Variants in CDH11 observed in about 807,000 individuals in gnomAD.
CDH11 encodes the protein cadherin-11.
Under a neutral mutation model 67.8 loss-of-function variants are expected in CDH11, and 11 were observed. The ratio of observed to expected loss-of-function variants is 0.16; its 90% CI spans 0.10 to 0.27. The LOEUF (loss-of-function observed/expected upper bound fraction) is 0.27. Among genes scored for constraint, CDH11 ranks in the 10% least tolerant of loss-of-function variants. CDH11 has a pLI of 1.00. For synonymous variants in CDH11, 419 were observed against 400.0 expected, an observed-to-expected ratio of 1.05 and a Z score of -0.57; for missense variants, 847 against 1,031.2, an observed-to-expected ratio of 0.82 and a Z score of 2.45.
chr16:64,979,551 C>T (rs1224752454), intron 8 of CDH11, among the ~76,000 whole-genome samples: 1 of 151,956 alleles, frequency 6.6e-6, no homozygotes, highest in Non-Finnish European at 1.5e-5. Context: ...ACTATGATAG[C>T]TATAATGAAA....
intron 1 of CDH11, among the ~76,000 whole-genome samples, chr16:65,120,806 A>T (rs892754837): frequency 3.3e-5 from 5 of 152,040 alleles, no homozygotes; most frequent in African/African-American, 1.2e-4. Flanking sequence ...TCGGCAAAAA[A>T]ACGGACAAGG....
At chr16:65,104,036 C>T (rs759295033) in intron 1 of CDH11, among the ~76,000 whole-genome samples, 7 of 152,008 alleles carry the variant, frequency 4.6e-5, no homozygotes, top group African/African-American at 4.8e-5. Context: ...TTGGACTGCA[C>T]TGGGTTAAAG....
intron 2 of CDH11, among the ~76,000 whole-genome samples, chr16:65,033,811 C>T (rs1567539755): frequency 6.6e-6 from 1 of 151,786 alleles, no homozygotes; most frequent in Non-Finnish European, 1.5e-5. Context: ...TTGAAATCCT[C>T]CAAGAGTATG....
intron 11 of CDH11, among the ~76,000 whole-genome samples, chr16:64,958,821 G>A (rs2071593924): frequency 6.6e-6 from 1 of 152,064 alleles, no homozygotes. Flanking sequence ...TAAAAGAACA[G>A]TTCTTAGAAA....
At chr16:65,122,256 G>C (rs2075348356), upstream of CDH11, 3 of 426,428 alleles carry the variant, frequency 7.0e-6, no homozygotes, top group Admixed American at 8.9e-5. Flanking sequence ...GGCCGACCCC[G>C]TCCGCGCCCC....
chr16:64,948,149 G>A, intron 12 of CDH11, 50 bp from the exon 13 acceptor site: 1 of 1,564,612 alleles, frequency 6.4e-7, no homozygotes, highest in Non-Finnish European at 8.6e-7. Context: ...CAGTATTCCT[G>A]GGTTCTTCTG....
At chr16:65,061,038 T>TG (rs2074230671) in intron 1 of CDH11, among the ~76,000 whole-genome samples, 1 of 152,224 alleles carries the variant, frequency 6.6e-6, no homozygotes, top group Non-Finnish European at 1.5e-5. Context: ...GTGACTTTGA[T>TG]GGAAATTCTC....
intron 7 of CDH11, chr16:64,986,957 T>G (rs2072502259): frequency 6.6e-6 from 1 of 152,190 alleles, no homozygotes; most frequent in African/African-American, 2.4e-5. Flanking sequence ...CCACTGGTCC[T>G]TCCCTCCTCT....
At chr16:64,988,692 A>G (rs2072553912) in intron 6 of CDH11, among the ~76,000 whole-genome samples, 1 of 152,142 alleles carries the variant, frequency 6.6e-6, no homozygotes, top group African/African-American at 2.4e-5. Flanking sequence ...GCTTCTTTTC[A>G]TGTCTTCAGG....
intron 3 of CDH11, among the ~76,000 whole-genome samples, chr16:65,002,137 TC>T: frequency 6.6e-6 from 1 of 152,298 alleles, no homozygotes; most frequent in East Asian, 1.9e-4. Context: ...TATTTATTTT[TC>T]CCCTATCCAA....
At chr16:64,976,428 C>T (rs2142440483) in intron 8 of CDH11, among the ~76,000 whole-genome samples, 1 of 152,188 alleles carries the variant, frequency 6.6e-6, no homozygotes, top group African/African-American at 2.4e-5. Context: ...CAAAAAACTG[C>T]AGAATGTCCA....
rs1596994890 is a variant in CDH11 at position 64,944,454 on chromosome 16, C to G, written c.*3149G>C. 1 of 233,012 alleles carries G rather than the reference C, an allele frequency of 4.3e-6. No homozygotes were observed. Among genetic ancestry groups the G allele is most frequent in the South Asian group, 1.8e-4 (1 of 5,522 alleles). The allele number at this position is 233,012 out of a possible 1,614,324, so 14.4% of individuals were successfully genotyped here. ...ACCTCTGGGTTTATATGCTCCTAAT[C>G]TGTCCTCCACACTGCCTGCCAAATA... On this transcript the variant is annotated 3_prime_UTR_variant, in exon 13 of 13. Coordinates refer to ENST00000268603, the MANE Select transcript of CDH11 (RefSeq NM_001797.4).
At chr16:65,015,235 T>C (rs190237829) in intron 2 of CDH11, among the ~76,000 whole-genome samples, 11 of 151,922 alleles carry the variant, frequency 7.2e-5, no homozygotes, top group Admixed American at 6.6e-4. Flanking sequence ...AGAGTAGAAT[T>C]AGCTACCAAT....
intron 2 of CDH11, among the ~76,000 whole-genome samples, chr16:65,009,217 G>A (rs980913010): frequency 1.3e-5 from 2 of 151,984 alleles, no homozygotes; most frequent in African/African-American, 2.4e-5. Flanking sequence ...TGGTAGCATG[G>A]AGAAGTAGAC....
chr16:65,039,930 A>C (rs1353538801), intron 2 of CDH11, among the ~76,000 whole-genome samples: 1 of 152,256 alleles, frequency 6.6e-6, no homozygotes, highest in African/African-American at 2.4e-5. Context: ...AAAAGAAGAC[A>C]TTTATGCAGC....
chr16:64,950,721 T>A lies in CDH11; in HGVS notation c.1894+46A>T, dbSNP rs774503953. On this transcript the variant is annotated intron_variant, in intron 12 of 12. Coordinates refer to ENST00000268603, the MANE Select transcript of CDH11 (RefSeq NM_001797.4). ...GAAGCATGTGTTTCAAGGAGGGGCA[T>A]CCGGTTGCCTGGCCCTTCCTGCAGG... is the stretch of plus-strand genomic sequence containing the variant. 5 of 1,592,200 alleles carry A rather than the reference T, an allele frequency of 3.1e-6. No individual in the cohort carries two copies. In the African/African-American group the frequency reaches 5.4e-5, roughly 17 times the overall value.
At position 65,121,344 on chromosome 16, in the gene CDH11, C is replaced by G. The variant is rs1260846748; in HGVS notation, c.-298+536G>C. On this transcript the variant is annotated intron_variant, in intron 1 of 12. Coordinates refer to ENST00000268603, the MANE Select transcript of CDH11 (RefSeq NM_001797.4). This position sits in a 1 kb window ranked among gnomAD's most constrained non-coding sequence, Gnocchi z 4.1. ...GCTGGGGTCTTTCCGTTTTCCCGGG[C>G]TTACCCGGCAGTCTCGACTGCAGGG... 2.0e-5 allele frequency among the ~76,000 whole-genome samples: 3 copies of G among 152,224 alleles called. No individual in the cohort carries two copies. The highest frequency in any genetic ancestry group is 4.4e-5 in the Non-Finnish European group (3 of 68,042).
At chr16:65,062,315 T>C (rs1175249678) in intron 1 of CDH11, among the ~76,000 whole-genome samples, 1 of 152,210 alleles carries the variant, frequency 6.6e-6, no homozygotes, top group Non-Finnish European at 1.5e-5. Context: ...TATTTGCAAG[T>C]TTCTGGAGTA....
chr16:65,109,216 T>C (rs1254167718), intron 1 of CDH11, among the ~76,000 whole-genome samples: 1 of 152,158 alleles, frequency 6.6e-6, no homozygotes, highest in Non-Finnish European at 1.5e-5. Context: ...GGGTTAAATT[T>C]GGGCAAGGAG....
Sources: allele counts gnomAD v4.1 joint callset (sites outside exome capture counted in the v4.1 genomes callset), GRCh38; gene constraint gnomAD v4.1.1; non-coding constraint Gnocchi (gnomAD v3.1); transcripts MANE v1.5; gene names NCBI Gene and HGNC (gene_info 2026-07-23, HGNC 2026-07-21).